Variants in ATP13A3 observed in about 807,000 individuals in gnomAD.
ATP13A3 encodes ATPase 13A3, also known as polyamine-transporting ATPase 13A3.
In ATP13A3, 59 loss-of-function variants were observed where a neutral mutation model predicts 158.1. That is an observed-to-expected ratio of 0.37 (90% CI 0.30 to 0.46). The LOEUF (loss-of-function observed/expected upper bound fraction) is 0.46, where lower values mean the gene tolerates loss of function less well. ATP13A3 is among the 20% of genes least tolerant of loss of function. ATP13A3 has a pLI of 1.00. For synonymous variants in ATP13A3, 491 were observed against 504.3 expected, an observed-to-expected ratio of 0.97 and a Z score of 0.35; for missense variants, 1,166 against 1,525.2, an observed-to-expected ratio of 0.76 and a Z score of 3.92.
rs1448542852 is a variant in ATP13A3, at chr3:194,494,255, G to GCA, written n.539_540dup. 6 of 398,478 alleles carry GCA rather than the reference G, an allele frequency of 1.5e-5. No homozygotes were observed. The highest frequency in any genetic ancestry group is 2.2e-5 in the Non-Finnish European group (5 of 226,096). The allele number at this position is 398,478 out of a possible 1,614,324, so 24.7% of individuals were successfully genotyped here. A position where few individuals can be genotyped will look rare whatever the true frequency, so the allele number is the denominator to read the frequency against. On this transcript the variant is annotated non_coding_transcript_exon_variant, in exon 2 of 33. Coordinates refer to the ATP13A3 transcript ENST00000687055. The surrounding 1 kb of genome is among the most constrained non-coding windows in gnomAD (Gnocchi z 4.2). ...ACATCTGGATCCTCAGCCCCTCACAGCACACAGCGGTAGTCAGAAAGTATG... is the reference window on the plus strand; with the variant it reads ...ACATCTGGATCCTCAGCCCCTCACAGCACACACAGCGGTAGTCAGAAAGTATG...
intron 2 of ATP13A3, among the ~76,000 whole-genome samples, chr3:194,475,604 T>C (rs1303148751): frequency 6.6e-6 from 1 of 152,170 alleles, no homozygotes; most frequent in African/African-American, 2.4e-5. Context: ...GTAATATAAG[T>C]TGCTATTGAA....
intron 2 of ATP13A3, among the ~76,000 whole-genome samples, chr3:194,482,862 G>C (rs879680583): frequency 6.6e-6 from 1 of 151,982 alleles, no homozygotes; most frequent in Non-Finnish European, 1.5e-5. Context: ...AATCCCAGCA[G>C]TCTGGAAGGC....
rs754181753 is a variant in ATP13A3 at position 194,431,762 on chromosome 3, T to C, written c.2376A>G (p.Ala792=). 2 of 1,612,288 alleles carry C rather than the reference T, an allele frequency of 1.2e-6. No individual in the cohort carries two copies. Among genetic ancestry groups the C allele is most frequent in the South Asian group, 1.1e-5 (1 of 90,694 alleles). ...GKVAKINWHY[A]DSLTQCSHPS... ...GATGACTGCACTGCGTGAGGGAGTC[T>C]GCATAATGCCAATTTATTTTGGCAA... Residue 792 remains alanine (A), a synonymous_variant, in exon 22 of 34, where the codon GCA becomes GCG. Coordinates refer to ENST00000645319, the MANE Select transcript of ATP13A3 (RefSeq NM_001367549.1).
chr3:194,406,705 C>T (rs1349661162), intron 33 of ATP13A3, among the ~76,000 whole-genome samples: 2 of 152,178 alleles, frequency 1.3e-5, no homozygotes, highest in Admixed American at 6.5e-5. Flanking sequence ...GCCGCATGAT[C>T]ATTTTTGGAA....
At chr3:194,425,639 T>C in intron 29 of ATP13A3, 110 bp from the exon 30 acceptor site, 1 of 838,574 alleles carries the variant, frequency 1.2e-6, no homozygotes, top group African/African-American at 1.7e-5. Flanking sequence ...AATAGAAATA[T>C]GATATTTACA....
chr3:194,445,041 T>C (rs1371445355), intron 14 of ATP13A3, among the ~76,000 whole-genome samples: 1 of 151,874 alleles, frequency 6.6e-6, no homozygotes, highest in East Asian at 1.9e-4. Context: ...GGGGTATATA[T>C]TTACGTGCTT....
chr3:194,413,381 C>T (rs559637654), intron 32 of ATP13A3, among the ~76,000 whole-genome samples: 1 of 152,324 alleles, frequency 6.6e-6, no homozygotes, highest in East Asian at 1.9e-4. Flanking sequence ...CCCTTCCCCC[C>T]TCCCTTAAAT....
intron 2 of ATP13A3, among the ~76,000 whole-genome samples, chr3:194,463,662 C>A (rs1719812269): frequency 5.9e-5 from 9 of 152,340 alleles, no homozygotes; most frequent in Admixed American, 5.9e-4. Flanking sequence ...CAGTGCACAG[C>A]AGGCTTGACA....
At position 194,434,261 on chromosome 3, in the gene ATP13A3, T is replaced by A. The variant is rs1293135341; in HGVS notation, c.2121-365A>T. On this transcript the variant is annotated intron_variant, in intron 20 of 33. Coordinates refer to ENST00000645319, the MANE Select transcript of ATP13A3 (RefSeq NM_001367549.1). ...AAAACTGTGCCACAAGCACATTCAA[T>A]ACAGTTTTCGTGGATTCATTATCAA... Among the ~76,000 whole-genome samples the A allele has an allele frequency of 2.0e-5, 3 of 152,230 alleles. No individual in the cohort carries two copies. In the East Asian group the frequency reaches 5.8e-4, roughly 29 times the overall value.
chr3:194,428,880 A>G lies in ATP13A3; in HGVS notation c.2912T>C (p.Ile971Thr), dbSNP rs1717008959. Residue 971 changes from isoleucine (I) to threonine (T), a missense_variant, in exon 28 of 34, where the codon ATT becomes ACT. Transcript: ENST00000645319. ...SNLGDFQFLFIDLAIILVVVF... is the reference protein window; with the variant it reads ...SNLGDFQFLFTDLAIILVVVF... Reference sequence around the variant, plus strand: ...CACTACCAAAATGATTGCCAGATCAATGAAGAGAAACTGGAAGTCTCCTAG... The same window carrying G: ...CACTACCAAAATGATTGCCAGATCAGTGAAGAGAAACTGGAAGTCTCCTAG... 6.3e-7 allele frequency: 1 copy of G among 1,599,858 alleles called. No individual in the cohort carries two copies. The highest frequency in any genetic ancestry group is 8.6e-7 in the Non-Finnish European group (1 of 1,169,528).
At chr3:194,434,709 G>A (rs1438633616) in intron 20 of ATP13A3, among the ~76,000 whole-genome samples, 1 of 152,142 alleles carries the variant, frequency 6.6e-6, no homozygotes, top group Non-Finnish European at 1.5e-5. Flanking sequence ...TTGAACCTAG[G>A]AGTTTGAGGC....
At position 194,421,140 on chromosome 3, in the gene ATP13A3, TATATA is replaced by T. The variant is rs1716299496; in HGVS notation, c.3314-1178_3314-1174del. On this transcript the variant is annotated intron_variant, in intron 30 of 33. Transcript: ENST00000645319. ...TATATATATATATATATATATAGTA[TATATA>T]TATATATATATATATATATATATAG... is the stretch of plus-strand genomic sequence containing the variant. Among the ~76,000 whole-genome samples, 7 of 46,120 alleles carry T rather than the reference TATATA, an allele frequency of 1.5e-4. 1 individual carries two copies. The Admixed American group carries it at 1.6e-3, about 10-fold the overall frequency. 30.3% of individuals were successfully genotyped at this position (46,120 alleles called of 152,430 possible).
At chr3:194,447,203 AT>A in intron 13 of ATP13A3, 88 bp from the exon 14 acceptor site, 1 of 1,121,094 alleles carries the variant, frequency 8.9e-7, no homozygotes, top group Non-Finnish European at 1.3e-6. Flanking sequence ...TCTGTAAGCC[AT>A]TTTCAATTGT....
intron 8 of ATP13A3, among the ~76,000 whole-genome samples, chr3:194,454,629 C>CG (rs962503229): frequency 8.5e-5 from 13 of 152,070 alleles, no homozygotes; most frequent in East Asian, 5.8e-4. Flanking sequence ...GAGATCAAAA[C>CG]ATCCTGGCTA....
chr3:194,467,986 T>A (rs1343618932), intron 2 of ATP13A3: 3 of 152,190 alleles, frequency 2.0e-5, no homozygotes, highest in Non-Finnish European at 2.9e-5. Flanking sequence ...CCAGTAGCAC[T>A]ATATCATCAT....
chr3:194,443,969 A>G (rs1718221463), intron 15 of ATP13A3, among the ~76,000 whole-genome samples: 1 of 151,024 alleles, frequency 6.6e-6, no homozygotes, highest in Non-Finnish European at 1.5e-5. Context: ...AAAATGTGAA[A>G]AGATGCTCAA....
chr3:194,467,325 T>G, intron 2 of ATP13A3, among the ~76,000 whole-genome samples: 1 of 152,210 alleles, frequency 6.6e-6, no homozygotes, highest in Non-Finnish European at 1.5e-5. Flanking sequence ...CATAAAGAAC[T>G]CTTCCAATTA....
At chr3:194,453,676 G>A (rs1445579108) in intron 10 of ATP13A3, 30 bp downstream of exon 10, 1 of 1,559,098 alleles carries the variant, frequency 6.4e-7, no homozygotes. Flanking sequence ...TATCTTTTTT[G>A]ATTTATTCTT....
intron 2 of ATP13A3, among the ~76,000 whole-genome samples, chr3:194,472,448 T>C (rs535625402): frequency 6.1e-4 from 93 of 152,242 alleles, no homozygotes; most frequent in African/African-American, 2.2e-3. Flanking sequence ...GCATAGCCTT[T>C]GTATATGGCC....
Sources: allele counts gnomAD v4.1 joint callset (sites outside exome capture counted in the v4.1 genomes callset), GRCh38; gene constraint gnomAD v4.1.1; non-coding constraint Gnocchi (gnomAD v3.1); transcripts MANE v1.5; gene names NCBI Gene and HGNC (gene_info 2026-07-23, HGNC 2026-07-21).